MAN1A1: variants seen among roughly 807,000 people sequenced by gnomAD.
MAN1A1 encodes mannosidase alpha class 1A member 1, also known as mannosyl-oligosaccharide 1,2-alpha-mannosidase IA.
In MAN1A1, 29 loss-of-function variants were observed where a neutral mutation model predicts 70.8. The ratio of observed to expected loss-of-function variants is 0.41; its 90% CI spans 0.31 to 0.56. The LOEUF (loss-of-function observed/expected upper bound fraction) is 0.56. Ranked by LOEUF, MAN1A1 falls within the 20% of genes least tolerant of loss-of-function variation. MAN1A1 has a pLI of 0.29. For missense variants in MAN1A1, 747 were observed against 841.3 expected (o/e 0.89, Z 1.39); for synonymous variants, 349 against 330.1 (o/e 1.06, Z -0.62).
chr6:119,294,298 A>G (rs951875096), intron 4 of MAN1A1, among the ~76,000 whole-genome samples: 9 of 152,112 alleles, frequency 5.9e-5, no homozygotes, highest in African/African-American at 2.2e-4. Flanking sequence ...TAATAAATTT[A>G]AATGAATACA....
At chr6:119,198,069 A>G (rs1773620625) in intron 8 of MAN1A1, among the ~76,000 whole-genome samples, 1 of 152,218 alleles carries the variant, frequency 6.6e-6, no homozygotes, top group Admixed American at 6.5e-5. Flanking sequence ...CTTTTAGAGA[A>G]TCACATCCTG....
At chr6:119,281,375 G>T (rs927361528) in intron 5 of MAN1A1, among the ~76,000 whole-genome samples, 7 of 152,226 alleles carry the variant, frequency 4.6e-5, no homozygotes, top group African/African-American at 1.7e-4. Context: ...CATGAATGCT[G>T]TTCATCACCA....
At chr6:119,205,122 T>C (rs1773824320) in intron 6 of MAN1A1, among the ~76,000 whole-genome samples, 1 of 152,206 alleles carries the variant, frequency 6.6e-6, no homozygotes, top group African/African-American at 2.4e-5. Context: ...TACTTGCTGT[T>C]GGTGAACACA....
chr6:119,322,462 G>T (rs1391330201), intron 2 of MAN1A1, among the ~76,000 whole-genome samples: 1 of 152,140 alleles, frequency 6.6e-6, no homozygotes, highest in Non-Finnish European at 1.5e-5. Context: ...TAAAGGAATT[G>T]TCTTCCTAGT....
intron 10 of MAN1A1, 52 bp from the exon 11 acceptor site, chr6:119,188,629 C>G: frequency 6.8e-7 from 1 of 1,480,096 alleles, no homozygotes; most frequent in East Asian, 2.3e-5. Context: ...ACAGTGCTTA[C>G]AGTCAATAAC....
At chr6:119,253,083 C>T (rs1290331238) in intron 5 of MAN1A1, among the ~76,000 whole-genome samples, 3 of 152,042 alleles carry the variant, frequency 2.0e-5, no homozygotes, top group Non-Finnish European at 4.4e-5. Context: ...TCTTATTCTA[C>T]ACAATAATAA....
intron 2 of MAN1A1, among the ~76,000 whole-genome samples, chr6:119,343,724 T>C (rs2114511970): frequency 6.6e-6 from 1 of 152,290 alleles, no homozygotes; most frequent in South Asian, 2.1e-4. Context: ...GGGAGGTTGT[T>C]TTGCCACTCG....
chr6:119,297,966 C>G (rs1209213605), intron 4 of MAN1A1, among the ~76,000 whole-genome samples: 4 of 151,874 alleles, frequency 2.6e-5, no homozygotes, highest in Non-Finnish European at 5.9e-5. Context: ...TAGTTGACCT[C>G]TTTTCATTTC....
chr6:119,190,392 T>C (rs1773412547), intron 9 of MAN1A1, among the ~76,000 whole-genome samples: 1 of 152,172 alleles, frequency 6.6e-6, no homozygotes, highest in Non-Finnish European at 1.5e-5. Context: ...CCAGAAGACT[T>C]GGCTTCAAAT....
intron 11 of MAN1A1, among the ~76,000 whole-genome samples, chr6:119,184,058 C>T (rs535939848): frequency 2.6e-5 from 4 of 152,058 alleles, no homozygotes; most frequent in African/African-American, 7.2e-5. Flanking sequence ...TCACCCCTTA[C>T]GCAAAAGTCT....
chr6:119,247,785 A>G (rs567591623), intron 6 of MAN1A1, among the ~76,000 whole-genome samples: 1 of 152,264 alleles, frequency 6.6e-6, no homozygotes, highest in Admixed American at 6.5e-5. Context: ...CTGGGTAACC[A>G]CAGGTGCTCC....
intron 2 of MAN1A1, among the ~76,000 whole-genome samples, chr6:119,345,962 T>G (rs1773716924): frequency 6.6e-6 from 1 of 151,982 alleles, no homozygotes; most frequent in Non-Finnish European, 1.5e-5. Flanking sequence ...AAAAATTAGC[T>G]GGGTGTGGTG....
chr6:119,204,664 T>A, intron 7 of MAN1A1, 95 bp downstream of exon 7: 3 of 1,467,444 alleles, frequency 2.0e-6, no homozygotes, highest in Non-Finnish European at 2.8e-6. Flanking sequence ...AATTTGGTTA[T>A]TATTTCCACT....
intron 5 of MAN1A1, among the ~76,000 whole-genome samples, chr6:119,251,067 T>C (rs1775304929): frequency 6.6e-6 from 1 of 152,180 alleles, no homozygotes; most frequent in Admixed American, 6.5e-5. Context: ...CATTCTCTGA[T>C]AGGAGCATAG....
At position 119,191,083 on chromosome 6, in the gene MAN1A1, C is replaced by T. The variant is rs571134230; in HGVS notation, c.1327-1200G>A. Among the ~76,000 whole-genome samples the T allele has an allele frequency of 5.9e-5, 9 of 152,200 alleles. No homozygotes were observed. In the South Asian group the frequency reaches 8.3e-4, roughly 14 times the overall value. ...CTTTCCTACCTTTATTAGAAATAAACGAATGAAACCAAGATGGTAAGAAAT... is the reference window on the plus strand; with the variant it reads ...CTTTCCTACCTTTATTAGAAATAAATGAATGAAACCAAGATGGTAAGAAAT... On this transcript the variant is annotated intron_variant, in intron 9 of 12. Coordinates refer to ENST00000368468, the MANE Select transcript of MAN1A1 (RefSeq NM_005907.4).
At chr6:119,278,178 A>G (rs997789138) in intron 5 of MAN1A1, among the ~76,000 whole-genome samples, 3 of 151,772 alleles carry the variant, frequency 2.0e-5, no homozygotes, top group Non-Finnish European at 4.4e-5. Context: ...ACCAATGACA[A>G]AAATCCAAAA....
At chr6:119,180,450 A>C in intron 11 of MAN1A1, 23 bp from the exon 12 acceptor site, 5 of 1,245,606 alleles carry the variant, frequency 4.0e-6, no homozygotes, top group Non-Finnish European at 5.8e-6. Flanking sequence ...GGAGGAAAAA[A>C]AAAAGTCACA....
chr6:119,320,852 T>C (rs1029247271), intron 2 of MAN1A1, among the ~76,000 whole-genome samples: 2 of 152,226 alleles, frequency 1.3e-5, no homozygotes, highest in Non-Finnish European at 2.9e-5. Context: ...AATTTATCTG[T>C]AGTGCTAGTA....
chr6:119,189,729 G>A lies in MAN1A1; in HGVS notation c.1481C>T (p.Ala494Val), dbSNP rs777503777. ...LGADAAPEGM[A>V]QHYLELGAEI... ...AGCCCCGAGTTCAAGGTAGTGTTGGGCCATGCCTTCGGGAGCTGCATCAGC... is the reference window on the plus strand; with the variant it reads ...AGCCCCGAGTTCAAGGTAGTGTTGGACCATGCCTTCGGGAGCTGCATCAGC... The change falls in exon 10 of 13, where the codon GCC becomes GTC. Residue 494 changes from alanine (A) to valine (V), a missense_variant. Transcript: ENST00000368468. The A allele has an allele frequency of 8.7e-6, 14 of 1,613,922 alleles. No individual in the cohort carries two copies. Among genetic ancestry groups the A allele is most frequent in the Non-Finnish European group, 1.2e-5 (14 of 1,180,020 alleles).
Sources: gnomAD v4.1 joint callset for allele counts (sites outside exome capture counted in the v4.1 genomes callset) on GRCh38, gnomAD v4.1.1 for gene constraint, MANE v1.5 for transcripts, NCBI Gene and HGNC (gene_info 2026-07-23, HGNC 2026-07-21) for gene names.